Variants in TENM2 observed in about 807,000 individuals in gnomAD.
TENM2 encodes teneurin-2.
Under a neutral mutation model 245.2 loss-of-function variants are expected in TENM2, and 52 were observed. The ratio of observed to expected loss-of-function variants is 0.21; its 90% CI spans 0.17 to 0.27. TENM2 has a LOEUF of 0.27. TENM2 is among the 10% of genes least tolerant of loss of function. The pLI is 1.00. For missense variants in TENM2, 3,046 were observed against 3,666.8 expected, an observed-to-expected ratio of 0.83 and a Z score of 4.37; for synonymous variants, 1,363 against 1,438.9, an observed-to-expected ratio of 0.95 and a Z score of 1.19.
At chr5:167,925,851 G>A (rs1348361918) in intron 3 of TENM2, among the ~76,000 whole-genome samples, 2 of 152,192 alleles carry the variant, frequency 1.3e-5, no homozygotes, top group Non-Finnish European at 2.9e-5. Flanking sequence ...ACTAATGCAG[G>A]AACAGAAAGC....
intron 2 of TENM2, among the ~76,000 whole-genome samples, chr5:167,671,334 C>T (rs1326592150): frequency 6.6e-6 from 1 of 152,126 alleles, no homozygotes; most frequent in African/African-American, 2.4e-5. Flanking sequence ...AGTCATAAAA[C>T]AGGTTAGGTA....
chr5:167,555,559 C>G (rs962690808), intron 2 of TENM2, among the ~76,000 whole-genome samples: 1 of 152,094 alleles, frequency 6.6e-6, no homozygotes. Flanking sequence ...GGAGATTTGG[C>G]CTTCCATTCA....
intron 2 of TENM2, among the ~76,000 whole-genome samples, chr5:167,407,467 A>C (rs528953370): frequency 6.6e-6 from 1 of 152,188 alleles, no homozygotes; most frequent in African/African-American, 2.4e-5. Flanking sequence ...ATTTTTTAAC[A>C]CTGTGAAGTC....
At chr5:167,132,873 C>T in the TENM2 span, among the ~76,000 whole-genome samples, 14 of 152,190 alleles carry the variant, frequency 9.2e-5, no homozygotes, top group Non-Finnish European at 1.5e-4. Context: ...CCCCCAGGTC[C>T]CTCAGGGGTA....
chr5:167,432,320 A>T (rs1009943648), intron 2 of TENM2, among the ~76,000 whole-genome samples: 1 of 151,846 alleles, frequency 6.6e-6, no homozygotes, highest in Admixed American at 6.6e-5. Flanking sequence ...CTAAATTATG[A>T]TTTCCATAGA....
intron 25 of TENM2, among the ~76,000 whole-genome samples, chr5:168,242,738 A>G (rs569010434): frequency 3.3e-4 from 50 of 152,160 alleles, no homozygotes; most frequent in Non-Finnish European, 6.5e-4. Flanking sequence ...GGATCACCTG[A>G]GGTCAGGAGT....
chr5:167,710,949 T>G (rs1189586506), intron 2 of TENM2, among the ~76,000 whole-genome samples: 1 of 152,216 alleles, frequency 6.6e-6, no homozygotes, highest in Non-Finnish European at 1.5e-5. Context: ...CTATCTATTA[T>G]TCATGAATTC....
At chr5:167,963,899 C>T (rs1781197518) in intron 4 of TENM2, among the ~76,000 whole-genome samples, 1 of 152,086 alleles carries the variant, frequency 6.6e-6, no homozygotes, top group Non-Finnish European at 1.5e-5. Context: ...GGAAGTTCTG[C>T]ATCAATGTAA....
At chr5:167,742,304 C>G (rs1006359446) in intron 2 of TENM2, among the ~76,000 whole-genome samples, 4 of 151,330 alleles carry the variant, frequency 2.6e-5, no homozygotes, top group African/African-American at 9.7e-5. Context: ...ATAGTGCTTA[C>G]CCCAGAATTT....
intron 3 of TENM2, among the ~76,000 whole-genome samples, chr5:167,933,178 C>T (rs1489383140): frequency 6.6e-6 from 1 of 152,228 alleles, no homozygotes. Context: ...AAAAACTGCC[C>T]TGTAAGCTCT....
intron 2 of TENM2, among the ~76,000 whole-genome samples, chr5:167,851,315 C>G (rs967565777): frequency 6.6e-6 from 1 of 152,050 alleles, no homozygotes; most frequent in Non-Finnish European, 1.5e-5. Context: ...TAGATTAATG[C>G]TTGTGTGCAT....
chr5:168,199,975 G>A (rs1487312956), exon 17 of TENM2: 2 of 1,613,986 alleles, frequency 1.2e-6, no homozygotes, highest in Non-Finnish European at 1.7e-6. Flanking sequence ...CCAGTCCACA[G>A]TGCCCCTGAA....
intron 2 of TENM2, among the ~76,000 whole-genome samples, chr5:167,605,622 T>G (rs2127737475): frequency 6.6e-6 from 1 of 152,312 alleles, no homozygotes; most frequent in African/African-American, 2.4e-5. Flanking sequence ...AGATATCACA[T>G]GGTGGCCAGT....
At chr5:167,519,757 T>G (rs972363998) in intron 2 of TENM2, among the ~76,000 whole-genome samples, 2 of 152,294 alleles carry the variant, frequency 1.3e-5, no homozygotes, top group Non-Finnish European at 2.9e-5. Flanking sequence ...TTCTTAGAAA[T>G]GATTTTAGAC....
chr5:167,004,448 G>A, the TENM2 span, among the ~76,000 whole-genome samples: 1 of 152,104 alleles, frequency 6.6e-6, no homozygotes, highest in African/African-American at 2.4e-5. Context: ...ACTTATAAAA[G>A]TTATTTATTT....
chr5:167,281,764 C>T (rs1014187310), upstream of TENM2, among the ~76,000 whole-genome samples: 1 of 151,998 alleles, frequency 6.6e-6, no homozygotes, highest in East Asian at 1.9e-4. Context: ...TTTGGGAGGC[C>T]GAGGCGAGCA....
chr5:167,507,316 T>C (rs1225147644), intron 2 of TENM2, among the ~76,000 whole-genome samples: 2 of 152,236 alleles, frequency 1.3e-5, no homozygotes, highest in African/African-American at 4.8e-5. Flanking sequence ...ATCAACTCTC[T>C]GTGGCACAAT....
the TENM2 span, among the ~76,000 whole-genome samples, chr5:167,237,043 A>G: frequency 6.6e-6 from 1 of 152,158 alleles, no homozygotes; most frequent in East Asian, 1.9e-4. Context: ...AGAATATCAG[A>G]AGTTTCTCTT....
chr5:167,327,706 T>G (rs937985544), intron 1 of TENM2, among the ~76,000 whole-genome samples: 4 of 152,074 alleles, frequency 2.6e-5, no homozygotes, highest in African/African-American at 9.7e-5. Context: ...GAGGGTCCAG[T>G]ATATAGAGAT....
Sources: allele counts gnomAD v4.1 joint callset (sites outside exome capture counted in the v4.1 genomes callset), GRCh38; gene constraint gnomAD v4.1.1; transcripts MANE v1.5; gene names NCBI Gene and HGNC (gene_info 2026-07-23, HGNC 2026-07-21).